Variants in ZNF420 observed in about 807,000 individuals in gnomAD.
The protein encoded by ZNF420 is ATM and p53-associated KZNF protein.
In ZNF420, 31 loss-of-function variants were observed where a neutral mutation model predicts 44.7. The ratio of observed to expected loss-of-function variants is 0.69; its 90% CI spans 0.52 to 0.94. The LOEUF is 0.94. ZNF420 is among the 40% of genes least tolerant of loss of function. The pLI is 0.00. For synonymous variants in ZNF420, 245 were observed against 267.4 expected (o/e 0.92, Z 0.82); for missense variants, 681 against 827.9 (o/e 0.82, Z 2.18).
At chr19:37,121,543 A>T (rs1971036267) in intron 4 of ZNF420, among the ~76,000 whole-genome samples, 1 of 152,150 alleles carries the variant, frequency 6.6e-6, no homozygotes, top group Non-Finnish European at 1.5e-5. Context: ...CCTAGGCAAT[A>T]CCATTCAGGA....
intron 1 of ZNF420, among the ~76,000 whole-genome samples, chr19:37,048,545 C>A (rs1967580223): frequency 6.6e-6 from 1 of 152,090 alleles, no homozygotes; most frequent in Non-Finnish European, 1.5e-5. Flanking sequence ...TAAATTGTTT[C>A]ATATTGGAGG....
chr19:37,091,930 A>C (rs1308454139), intron 4 of ZNF420: 1 of 123,936 alleles, frequency 8.1e-6, no homozygotes, highest in East Asian at 2.1e-4. Context: ...ACTCCATCTC[A>C]AAAAACAAAA....
rs1272369805 is a variant in ZNF420 at position 37,129,111 on chromosome 19, A to G, written c.*53A>G. On this transcript the variant is annotated 3_prime_UTR_variant, in exon 5 of 5. Coordinates refer to ENST00000337995, the MANE Select transcript of ZNF420 (RefSeq NM_144689.5). ...AAGAGGTTCTCTGGTTGTTAGCAGC[A>G]AAGAATTCTCACAAATGTGAATATG... 1.9e-6 allele frequency: 3 copies of G among 1,553,582 alleles called. No individual in the cohort carries two copies. Among genetic ancestry groups the G allele is most frequent in the Admixed American group, 1.9e-5 (1 of 53,726 alleles).
In ZNF420 at chr19:37,128,383, A is replaced by T; in HGVS notation, c.1392A>T (p.Gln464His). The change falls in exon 5 of 5, where the codon CAA becomes CAT. Residue 464 changes from glutamine (Q) to histidine (H), a missense_variant. Coordinates refer to ENST00000337995, the MANE Select transcript of ZNF420 (RefSeq NM_144689.5). ...KTFSRGSELT[Q>H]HERIHTGEKP... ...TTAGTCGTGGCTCAGAACTTACTCA[A>T]CATGAGCGAATTCACACAGGTGAGA... 1 of 1,614,064 alleles carries T rather than the reference A, an allele frequency of 6.2e-7. No homozygotes were observed. Among genetic ancestry groups the T allele is most frequent in the Non-Finnish European group, 8.5e-7 (1 of 1,179,972 alleles).
At chr19:37,082,662 C>G (rs945732570) in intron 2 of ZNF420, among the ~76,000 whole-genome samples, 1 of 152,132 alleles carries the variant, frequency 6.6e-6, no homozygotes, top group Non-Finnish European at 1.5e-5. Flanking sequence ...TTTTAACCAA[C>G]CATATGAATA....
At chr19:37,052,191 C>CT (rs1248358123) in intron 1 of ZNF420, among the ~76,000 whole-genome samples, 1 of 151,872 alleles carries the variant, frequency 6.6e-6, no homozygotes, top group Non-Finnish European at 1.5e-5. Context: ...CAACCCCTGC[C>CT]TTTTTTGTTT....
intron 1 of ZNF420, among the ~76,000 whole-genome samples, chr19:37,072,291 G>A (rs573261228): frequency 1.3e-5 from 2 of 152,136 alleles, no homozygotes; most frequent in South Asian, 2.1e-4. Context: ...CATTTCCATG[G>A]TTGTCAGGGA....
chr19:37,036,000 A>G (rs770233001), intron 1 of ZNF420, among the ~76,000 whole-genome samples: 25 of 152,146 alleles, frequency 1.6e-4, no homozygotes, highest in Non-Finnish European at 3.5e-4. Flanking sequence ...CTCTAAGCCC[A>G]TGGTTCACCA....
chr19:37,068,301 C>T (rs1968002523), intron 1 of ZNF420, among the ~76,000 whole-genome samples: 1 of 151,980 alleles, frequency 6.6e-6, no homozygotes, highest in Non-Finnish European at 1.5e-5. Context: ...AGAAATGAAA[C>T]ATTAAAGTTA....
chr19:37,034,401 G>A (rs1967316594), intron 1 of ZNF420, among the ~76,000 whole-genome samples: 1 of 152,040 alleles, frequency 6.6e-6, no homozygotes, highest in Admixed American at 6.6e-5. Flanking sequence ...TATATATTCT[G>A]GATATCGATC....
At chr19:37,058,759 C>T (rs968810171) in intron 1 of ZNF420, among the ~76,000 whole-genome samples, 1 of 152,114 alleles carries the variant, frequency 6.6e-6, no homozygotes, top group Non-Finnish European at 1.5e-5. Context: ...CATATGGCCT[C>T]GGTAATGCAC....
chr19:37,070,437 CAG>C (rs1968039994), intron 1 of ZNF420, among the ~76,000 whole-genome samples: 1 of 152,012 alleles, frequency 6.6e-6, no homozygotes, highest in Admixed American at 6.6e-5. Context: ...GACATTAAAA[CAG>C]AGAATTTCTA....
chr19:37,051,623 A>G (rs1306326209), intron 1 of ZNF420, among the ~76,000 whole-genome samples: 1 of 151,918 alleles, frequency 6.6e-6, no homozygotes, highest in Non-Finnish European at 1.5e-5. Context: ...CTTCTTTATT[A>G]GTCTTGCTAG....
chr19:37,048,767 G>A (rs2146420196), intron 1 of ZNF420, among the ~76,000 whole-genome samples: 1 of 152,044 alleles, frequency 6.6e-6, no homozygotes, highest in African/African-American at 2.4e-5. Context: ...TGCACAACGT[G>A]CAGGTTAGTT....
intron 4 of ZNF420, among the ~76,000 whole-genome samples, chr19:37,103,929 A>G (rs1385328007): frequency 6.6e-6 from 1 of 152,176 alleles, no homozygotes; most frequent in East Asian, 1.9e-4. Flanking sequence ...AAAAATACAA[A>G]AGAATTTTCC....
chr19:37,016,175 C>T (rs980439879), intron 1 of ZNF420, among the ~76,000 whole-genome samples: 1 of 152,228 alleles, frequency 6.6e-6, no homozygotes, highest in Non-Finnish European at 1.5e-5. Context: ...GAGAGGTAGT[C>T]AGCCATGGCT....
At chr19:37,090,238 C>T (rs1969053489) in intron 3 of ZNF420, among the ~76,000 whole-genome samples, 1 of 152,174 alleles carries the variant, frequency 6.6e-6, no homozygotes, top group South Asian at 2.1e-4. Flanking sequence ...GGTGCAGTGG[C>T]TCACACCTAT....
intron 4 of ZNF420, among the ~76,000 whole-genome samples, chr19:37,112,900 A>AT (rs754347776): frequency 7.2e-5 from 11 of 152,034 alleles, no homozygotes; most frequent in Non-Finnish European, 1.5e-4. Flanking sequence ...CCCTGTGGGG[A>AT]TTTTTTTGTG....
chr19:37,085,745 C>T (rs894922979), intron 2 of ZNF420, among the ~76,000 whole-genome samples: 1 of 151,130 alleles, frequency 6.6e-6, no homozygotes, highest in Admixed American at 6.6e-5. Context: ...TTTCTTTTTT[C>T]TTTCTTCTCT....
Sources: allele counts gnomAD v4.1 joint callset (sites outside exome capture counted in the v4.1 genomes callset), GRCh38; gene constraint gnomAD v4.1.1; transcripts MANE v1.5; gene names NCBI Gene and HGNC (gene_info 2026-07-23, HGNC 2026-07-21).